IREB2: variants seen among roughly 807,000 people sequenced by gnomAD.
The protein encoded by IREB2 is iron responsive element binding protein 2.
IREB2 carries 39 observed loss-of-function variants against 118.8 expected under a neutral mutation model. That is an observed-to-expected ratio of 0.33 (90% CI 0.25 to 0.43). IREB2 has a LOEUF of 0.43. IREB2 is among the 20% of genes least tolerant of loss of function. The pLI is 1.00. For missense variants in IREB2, 900 were observed against 1,147.3 expected, an observed-to-expected ratio of 0.78 and a Z score of 3.11; for synonymous variants, 372 against 392.2, an observed-to-expected ratio of 0.95 and a Z score of 0.61.
chr15:78,452,974 CA>C (rs1184424352), intron 2 of IREB2, among the ~76,000 whole-genome samples: 1 of 152,168 alleles, frequency 6.6e-6, no homozygotes, highest in Non-Finnish European at 1.5e-5. Context: ...GGCCAGGTAA[CA>C]CCTGCACACA....
chr15:78,493,826 A>T (rs929382408), intron 18 of IREB2, 83 bp from the exon 19 acceptor site: 73 of 1,340,386 alleles, frequency 5.4e-5, no homozygotes, highest in Non-Finnish European at 5.7e-5. Context: ...TGATAAAAAA[A>T]TTTTTCAATA....
At chr15:78,458,253 C>G (rs942191583) in intron 2 of IREB2, among the ~76,000 whole-genome samples, 1 of 152,048 alleles carries the variant, frequency 6.6e-6, no homozygotes, top group African/African-American at 2.4e-5. Context: ...GGGAAATACA[C>G]AACACTAAGA....
chr15:78,478,482 T>A lies in IREB2; in HGVS notation c.1296+85T>A, dbSNP rs976476136. 1.1e-5 allele frequency: 9 copies of A among 811,434 alleles called. 1 individual carries two copies. In the Admixed American group the frequency reaches 1.7e-4, roughly 15 times the overall value. The allele number at this position is 811,434 out of a possible 1,614,324, so 50.3% of individuals were successfully genotyped here. The stretch of plus-strand genomic sequence containing the variant: ...CTTTGAAAGGTTGGGGTGGGTTGAT[T>A]GTTTGAGTTCAAGAGTTTGAGACCA... On this transcript the variant is annotated intron_variant, in intron 10 of 21. Coordinates refer to ENST00000258886, the MANE Select transcript of IREB2 (RefSeq NM_004136.4).
Position 78,471,619 on chromosome 15 carries a change from G to A in IREB2, c.700-122G>A. 5.5e-6 allele frequency: 3 copies of A among 543,404 alleles called. 1 individual carries two copies. The highest frequency in any genetic ancestry group is 6.1e-5 in the East Asian group (2 of 32,984). 33.7% of individuals were successfully genotyped at this position (543,404 alleles called of 1,614,324 possible). ...ATATTTGTTTTTAACTATGTGATAT[G>A]AACTTTGTATTTACCATATTGAACA... is the stretch of plus-strand genomic sequence containing the variant. On this transcript the variant is annotated intron_variant, in intron 6 of 21. Coordinates refer to ENST00000258886, the MANE Select transcript of IREB2 (RefSeq NM_004136.4).
chr15:78,446,237 A>G (rs2050926876), intron 2 of IREB2, among the ~76,000 whole-genome samples: 1 of 152,204 alleles, frequency 6.6e-6, no homozygotes, highest in South Asian at 2.1e-4. Flanking sequence ...GTTTGCTTGT[A>G]ATTTGTACAC....
At chr15:78,468,976 G>C (rs1219047707) in intron 5 of IREB2, among the ~76,000 whole-genome samples, 1 of 152,034 alleles carries the variant, frequency 6.6e-6, no homozygotes, top group Non-Finnish European at 1.5e-5. Flanking sequence ...TTTAGTTTTT[G>C]TTTCTTTTTA....
intron 5 of IREB2, among the ~76,000 whole-genome samples, chr15:78,470,237 T>C (rs1387276921): frequency 6.6e-6 from 1 of 152,262 alleles, no homozygotes; most frequent in South Asian, 2.1e-4. Context: ...TTGCAGCGGA[T>C]AACCCAACAA....
intron 5 of IREB2, among the ~76,000 whole-genome samples, chr15:78,469,754 GTAATTATCTGGAC>G (rs1182840412): frequency 1.3e-5 from 2 of 152,030 alleles, no homozygotes; most frequent in Non-Finnish European, 2.9e-5. Context: ...TTAAACAACT[GTAATTATCTGGAC>G]TAATTATCTG....
intron 2 of IREB2, among the ~76,000 whole-genome samples, chr15:78,457,389 ACT>A (rs1304084419): frequency 2.6e-5 from 4 of 151,486 alleles, no homozygotes; most frequent in African/African-American, 7.3e-5. Flanking sequence ...TTTTTTGTTT[ACT>A]CTCTGATTTT....
intron 7 of IREB2, 35 bp downstream of exon 7, chr15:78,471,959 G>C: frequency 2.8e-6 from 4 of 1,432,240 alleles, no homozygotes; most frequent in Non-Finnish European, 3.8e-6. Flanking sequence ...CATTTCTTTT[G>C]GGGTAAGGAT....
intron 7 of IREB2, among the ~76,000 whole-genome samples, 178 bp from the exon 8 acceptor site, chr15:78,473,064 G>A (rs765803331): frequency 3.9e-5 from 6 of 152,046 alleles, no homozygotes; most frequent in Non-Finnish European, 8.8e-5. Context: ...TTTCGACCGT[G>A]CGAGTGGAAT....
rs1275538231 is a variant in IREB2 at position 78,471,765 on chromosome 15, G to A, written c.724G>A (p.Val242Met). The A allele has an allele frequency of 6.2e-7, 1 of 1,608,808 alleles. No homozygotes were observed. Among genetic ancestry groups the A allele is most frequent in the East Asian group, 2.2e-5 (1 of 44,846 alleles). Residue 242 changes from valine to methionine, a missense_variant, in exon 7 of 22, where the codon GTG (valine) becomes ATG (methionine). Coordinates refer to ENST00000258886, the MANE Select transcript of IREB2 (RefSeq NM_004136.4). ...GTGGAGTTCAAGAGTTTTTAAGAAT[G>A]TGGCAGTGATCCCTCCTGGAACTGG... is the stretch of plus-strand genomic sequence containing the variant. ...FKWSSRVFKN[V>M]AVIPPGTGMA... is the part of the protein sequence containing the mutation.
At position 78,490,249 on chromosome 15, in the gene IREB2, T is replaced by A. The variant is rs538048124; in HGVS notation, c.2077-173T>A. Reference sequence around the variant, plus strand: ...GCAAAAATAAAAATTTAAAATTTTTTAAAAAAAAGAAAAGAATACACTCTT... The same window carrying A: ...GCAAAAATAAAAATTTAAAATTTTTAAAAAAAAAGAAAAGAATACACTCTT... On this transcript the variant is annotated intron_variant, in intron 16 of 21. Coordinates refer to ENST00000258886, the MANE Select transcript of IREB2 (RefSeq NM_004136.4). Among the ~76,000 whole-genome samples the A allele has an allele frequency of 9.1e-4, 138 of 152,178 alleles. 2 individuals are homozygous for A. The highest frequency in any genetic ancestry group is 6.8e-3 in the Middle Eastern group (2 of 294).
chr15:78,497,070 C>G, intron 20 of IREB2, 56 bp from the exon 21 acceptor site: 14 of 1,410,402 alleles, frequency 9.9e-6, no homozygotes, highest in Non-Finnish European at 1.3e-5. Flanking sequence ...CCTTTAAATG[C>G]TCAATAAATA....
intron 2 of IREB2, among the ~76,000 whole-genome samples, chr15:78,459,491 A>T (rs1378640844): frequency 6.6e-5 from 10 of 152,140 alleles, no homozygotes; most frequent in Non-Finnish European, 1.5e-5. Context: ...CTTGGATTAC[A>T]GGTGCATGCC....
In IREB2 at chr15:78,483,446, T is replaced by C. The variant is rs1032491923; in HGVS notation, c.1413+12T>C. 1 of 1,407,602 alleles carries C rather than the reference T, an allele frequency of 7.1e-7. No homozygotes were observed. Among genetic ancestry groups the C allele is most frequent in the African/African-American group, 1.4e-5 (1 of 70,848 alleles). 87.2% of individuals were successfully genotyped at this position (1,407,602 alleles called of 1,614,324 possible). ...GCTTAAATGAAAAGGTAGGTTACTT[T>C]ATTCTTATCCGTGTTTTTCAACCCG... On this transcript the variant is annotated intron_variant, in intron 11 of 21. Transcript: ENST00000258886.
intron 14 of IREB2, 45 bp downstream of exon 14, chr15:78,487,862 T>G (rs2051687080): frequency 8.7e-7 from 1 of 1,153,074 alleles, no homozygotes; most frequent in South Asian, 1.3e-5. Context: ...TTTTCTTAAC[T>G]ATGTTTTGTT....
At chr15:78,448,709 G>T (rs1291031933) in intron 2 of IREB2, among the ~76,000 whole-genome samples, 6 of 152,142 alleles carry the variant, frequency 3.9e-5, no homozygotes, top group Non-Finnish European at 8.8e-5. Flanking sequence ...CCTTCAGCAG[G>T]GTTAGCTTTA....
intron 1 of IREB2, 54 bp downstream of exon 1, chr15:78,438,410 G>A: frequency 3.8e-6 from 6 of 1,570,368 alleles, no homozygotes; most frequent in Non-Finnish European, 5.2e-6. Flanking sequence ...GCGCTGCCTA[G>A]GCGCCGAATT....
Sources: allele counts gnomAD v4.1 joint callset (sites outside exome capture counted in the v4.1 genomes callset), GRCh38; gene constraint gnomAD v4.1.1; transcripts MANE v1.5; gene names NCBI Gene and HGNC (gene_info 2026-07-23, HGNC 2026-07-21).